Variants in DDX60L observed in about 807,000 individuals in gnomAD.
The protein encoded by DDX60L is probable ATP-dependent RNA helicase DDX60-like.
Under a neutral mutation model 211.6 loss-of-function variants are expected in DDX60L, and 191 were observed. That is an observed-to-expected ratio of 0.90 (90% CI 0.80 to 1.02). The LOEUF (loss-of-function observed/expected upper bound fraction) is 1.02. Among genes scored for constraint, DDX60L ranks in the 50% least tolerant of loss-of-function variants. The pLI, the probability that DDX60L is intolerant of heterozygous loss-of-function variation, is 0.00. For missense variants in DDX60L, 2,007 were observed against 1,984.1 expected (o/e 1.01, Z -0.22); for synonymous variants, 706 against 694.1 (o/e 1.02, Z -0.27).
rs1254334926 is a variant in DDX60L at position 168,420,309 on chromosome 4, T to C, written c.2466A>G (p.Leu822=). Residue 822 remains leucine, a synonymous_variant, in exon 18 of 38, where the codon CTA becomes CTG. Transcript: ENST00000682922. The stretch of plus-strand genomic sequence containing the variant: ...AATAATCTCTTGTAAAAGCACCGCA[T>C]AGAGTTCTGCCGGCAGGCAACGTTT... The part of the protein sequence containing the change: ...FTKTLPAGRT[L]CGAFTRDYCH... The C allele has an allele frequency of 6.2e-7, 1 of 1,611,648 alleles. No individual in the cohort carries two copies. Among genetic ancestry groups the C allele is most frequent in the Non-Finnish European group, 8.5e-7 (1 of 1,179,076 alleles).
chr4:168,404,226 G>T (rs1300012124), intron 24 of DDX60L, 120 bp from the exon 25 acceptor site: 12 of 693,430 alleles, frequency 1.7e-5, no homozygotes, highest in Non-Finnish European at 2.5e-5. Context: ...TTTTGGGTGG[G>T]TTTTTAAAAT....
At chr4:168,419,759 A>C (rs1404469713) in intron 18 of DDX60L, among the ~76,000 whole-genome samples, 2 of 152,254 alleles carry the variant, frequency 1.3e-5, no homozygotes, top group African/African-American at 2.4e-5. Flanking sequence ...ATATCATTCA[A>C]AAGAACTAGC....
chr4:168,462,405 C>T (rs1032498707), intron 4 of DDX60L, among the ~76,000 whole-genome samples: 6 of 152,054 alleles, frequency 3.9e-5, no homozygotes, highest in Non-Finnish European at 4.4e-5. Context: ...GTGTCTCCTC[C>T]CTAAATAATG....
intron 34 of DDX60L, among the ~76,000 whole-genome samples, chr4:168,374,260 TC>T (rs1351313769): frequency 6.6e-6 from 1 of 152,254 alleles, no homozygotes; most frequent in East Asian, 1.9e-4. Flanking sequence ...TGCACTACTT[TC>T]CTTGCTTCCA....
At chr4:168,385,480 T>C (rs1053843163) in intron 29 of DDX60L, among the ~76,000 whole-genome samples, 1 of 152,150 alleles carries the variant, frequency 6.6e-6, no homozygotes, top group Admixed American at 6.5e-5. Context: ...TGAGCCACTC[T>C]AGAAAATTAA....
At chr4:168,475,253 A>T (rs913150345) in intron 1 of DDX60L, among the ~76,000 whole-genome samples, 1 of 152,230 alleles carries the variant, frequency 6.6e-6, no homozygotes, top group South Asian at 2.1e-4. Context: ...AAACTGCTTA[A>T]AAAGCACCTG....
intron 26 of DDX60L, among the ~76,000 whole-genome samples, chr4:168,400,504 G>A (rs1746608678): frequency 6.6e-6 from 1 of 152,106 alleles, no homozygotes; most frequent in Non-Finnish European, 1.5e-5. Flanking sequence ...GCGTTCTACA[G>A]ACCAGGAAAC....
intron 1 of DDX60L, chr4:168,480,050 T>C (rs956464636): frequency 1.7e-4 from 26 of 150,672 alleles, no homozygotes; most frequent in African/African-American, 5.9e-4. Context: ...TGCCTGTCAA[T>C]GTCCAGGTTC....
chr4:168,379,817 A>C lies in DDX60L; in HGVS notation c.4130T>G (p.Leu1377Arg). The change falls in exon 31 of 38, where the codon CTA becomes CGA. Residue 1377 changes from leucine (L) to arginine (R), a missense_variant. Leu to Arg is a moderately radical substitution (Grantham distance 102). Coordinates refer to ENST00000682922, the MANE Select transcript of DDX60L (RefSeq NM_001012967.3). The part of the protein sequence containing the change: ...EDAKAKVLSV[L>R]KHSLLSFKRR... Reference sequence around the variant, plus strand: ...CTTAAAAGACAGCAATGAATGCTTTAGCACTGACAACACCTATAAAAGAAG... The same window carrying C: ...CTTAAAAGACAGCAATGAATGCTTTCGCACTGACAACACCTATAAAAGAAG... The C allele has an allele frequency of 6.2e-7, 1 of 1,608,966 alleles. No homozygotes were observed. The highest frequency in any genetic ancestry group is 1.1e-5 in the South Asian group (1 of 90,090).
intron 5 of DDX60L, among the ~76,000 whole-genome samples, 154 bp downstream of exon 5, chr4:168,461,545 C>G (rs1045094062): frequency 6.6e-6 from 1 of 152,106 alleles, no homozygotes; most frequent in East Asian, 1.9e-4. Context: ...TAATAAATGT[C>G]CATCATTATC....
At chr4:168,443,075 C>T (rs1487741107) in intron 9 of DDX60L, among the ~76,000 whole-genome samples, 1 of 151,946 alleles carries the variant, frequency 6.6e-6, no homozygotes, top group Non-Finnish European at 1.5e-5. Context: ...GATCAAATTA[C>T]TCTGAGCTAT....
Position 168,471,768 on chromosome 4 carries a change from T to C in DDX60L, c.243A>G (p.Gln81=). 6.3e-7 allele frequency: 1 copy of C among 1,598,634 alleles called. No individual in the cohort carries two copies. Among genetic ancestry groups the C allele is most frequent in the Non-Finnish European group, 8.5e-7 (1 of 1,176,572 alleles). ...YLVDLLSNGG[Q]FTIVFFKDAE... is the part of the protein sequence containing the mutation. ...TTACCTTAAAGAAAACTATGGTGAATTGTCCTCCGTTACTCAGAAGATCCA... is the reference window on the plus strand; with the variant it reads ...TTACCTTAAAGAAAACTATGGTGAACTGTCCTCCGTTACTCAGAAGATCCA... Residue 81 remains glutamine (Q), a synonymous_variant, in exon 4 of 38, where the codon CAA becomes CAG. Coordinates refer to ENST00000682922, the MANE Select transcript of DDX60L (RefSeq NM_001012967.3).
At chr4:168,459,311 C>G (rs1359183284) in intron 5 of DDX60L, among the ~76,000 whole-genome samples, 1 of 151,128 alleles carries the variant, frequency 6.6e-6, no homozygotes, top group African/African-American at 2.5e-5. Context: ...CATAGCGAGA[C>G]CCTATATAAA....
At chr4:168,407,359 G>A (rs1747925257) in intron 22 of DDX60L, among the ~76,000 whole-genome samples, 1 of 152,176 alleles carries the variant, frequency 6.6e-6, no homozygotes, top group Non-Finnish European at 1.5e-5. Flanking sequence ...GTTGATGTTA[G>A]TTGTGTGCAA....
rs1200510450 is a variant in DDX60L at position 168,457,904 on chromosome 4, A to G, written c.711T>C (p.Asp237=). The G allele has an allele frequency of 2.6e-6, 4 of 1,536,862 alleles. No individual in the cohort carries two copies. Among genetic ancestry groups the G allele is most frequent in the Non-Finnish European group, 3.5e-6 (4 of 1,137,536 alleles). Residue 237 remains aspartate, a synonymous_variant, in exon 6 of 38, where the codon GAT becomes GAC. Coordinates refer to ENST00000682922, the MANE Select transcript of DDX60L (RefSeq NM_001012967.3). ...AAAATTTTAATACCTCTTCCATCAT[A>G]TCATTCCATTTCAAATGTTCAAAAT... The part of the protein sequence containing the change: ...ATHFEHLKWN[D]MMEEAYQTLF...
chr4:168,420,601 CACACACACACAT>C (rs1320122955), intron 17 of DDX60L, among the ~76,000 whole-genome samples: 6 of 114,068 alleles, frequency 5.3e-5, no homozygotes, highest in Non-Finnish European at 1.1e-4. Flanking sequence ...TGATTTTAAA[CACACACACACAT>C]ACACACACAC....
chr4:168,397,736 G>A (rs1037473849), intron 26 of DDX60L, among the ~76,000 whole-genome samples: 1 of 152,210 alleles, frequency 6.6e-6, no homozygotes, highest in African/African-American at 2.4e-5. Flanking sequence ...TGGCTAATCT[G>A]GAGCGGCCGC....
chr4:168,395,154 G>A (rs1425556181), intron 27 of DDX60L, among the ~76,000 whole-genome samples: 2 of 152,108 alleles, frequency 1.3e-5, no homozygotes, highest in African/African-American at 2.4e-5. Flanking sequence ...AATGTATTAA[G>A]AGAACAAGAA....
At chr4:168,360,738 C>T (rs141484527) in intron 37 of DDX60L, among the ~76,000 whole-genome samples, 146 of 152,194 alleles carry the variant, frequency 9.6e-4, no homozygotes, top group African/African-American at 2.4e-3. Flanking sequence ...GCACTGGGTA[C>T]GAGAAAGATT....
Sources: gnomAD v4.1 joint callset for allele counts (sites outside exome capture counted in the v4.1 genomes callset) on GRCh38, gnomAD v4.1.1 for gene constraint, MANE v1.5 for transcripts, NCBI Gene and HGNC (gene_info 2026-07-23, HGNC 2026-07-21) for gene names.